The following NEXMIF variants were observed in gnomAD, a reference collection of about 807,000 sequenced individuals.
NEXMIF encodes the protein XLMR protein related to neurite extension.
NEXMIF carries 8 observed loss-of-function variants against 62.1 expected under a neutral mutation model. The observed-to-expected ratio is 0.13, with a 90% CI of 0.08 to 0.23. The LOEUF is 0.23. NEXMIF is among the 10% of genes least tolerant of loss of function. The pLI is 1.00. For missense variants in NEXMIF, 976 were observed against 1,113.3 expected (o/e 0.88, Z 1.75); for synonymous variants, 404 against 416.6 (o/e 0.97, Z 0.37).
chrX:74,874,132 C>T (rs2080617343), intron 1 of NEXMIF, among the ~76,000 whole-genome samples: 1 of 108,107 alleles, frequency 9.3e-6, no homozygotes, highest in Non-Finnish European at 1.9e-5. Context: ...TTAGGTCTAA[C>T]GTTTAAGTCT....
At chrX:74,790,838 C>A (rs2080279419) in intron 1 of NEXMIF, among the ~76,000 whole-genome samples, 1 of 110,270 alleles carries the variant, frequency 9.1e-6, no homozygotes, top group South Asian at 3.8e-4. Context: ...TATCCTGAGA[C>A]TTTGCTGAAG....
At chrX:74,796,735 T>A (rs954170876) in intron 1 of NEXMIF, among the ~76,000 whole-genome samples, 1 of 111,247 alleles carries the variant, frequency 9.0e-6, no homozygotes, top group Non-Finnish European at 1.9e-5. Flanking sequence ...TAAATAAATA[T>A]TAGCCCACAT....
chrX:74,879,650 A>T (rs916059925), intron 1 of NEXMIF, among the ~76,000 whole-genome samples: 14 of 112,119 alleles, frequency 1.2e-4, no homozygotes, highest in African/African-American at 4.5e-4. Context: ...GACATTTGGA[A>T]TGGGGGTCTG....
chrX:74,917,659 C>T (rs1351522998), intron 1 of NEXMIF, among the ~76,000 whole-genome samples: 2 of 111,475 alleles, frequency 1.8e-5, no homozygotes, highest in Admixed American at 9.5e-5. Context: ...ACACCATCTC[C>T]CTCTCTGACT....
At chrX:74,760,138 TTC>T (rs1234324535) in intron 1 of NEXMIF, among the ~76,000 whole-genome samples, 1 of 111,706 alleles carries the variant, frequency 9.0e-6, no homozygotes, top group African/African-American at 3.3e-5. Context: ...AGGTATTTTA[TTC>T]TTTTTGTGGC....
rs2080080828 is a variant in NEXMIF at position 74,734,710 on chromosome X, G to A, written c.*4695C>T. On this transcript the variant is annotated 3_prime_UTR_variant, in exon 4 of 4. Coordinates refer to ENST00000055682, the MANE Select transcript of NEXMIF (RefSeq NM_001008537.3). ...GTTCTAAACCTCTGTCTTTTACATT[G>A]TCCTTCTCCAATGCCTTACCTCTTA... 1 of 111,775 alleles carries A rather than the reference G, an allele frequency of 8.9e-6. No individual in the cohort carries two copies. The highest frequency in any genetic ancestry group is 1.9e-5 in the Non-Finnish European group (1 of 53,107). 9.2% of individuals were successfully genotyped at this position (111,775 alleles called of 1,213,427 possible). A position where few individuals can be genotyped will look rare whatever the true frequency, so the allele number is the denominator to read the frequency against.
intron 1 of NEXMIF, among the ~76,000 whole-genome samples, chrX:74,903,895 G>A (rs1291013427): frequency 2.8e-5 from 3 of 107,302 alleles, no homozygotes; most frequent in Non-Finnish European, 3.9e-5. Context: ...GTGTGTGTGT[G>A]TGTGTGTGTG....
intron 1 of NEXMIF, among the ~76,000 whole-genome samples, chrX:74,749,069 A>G (rs2080133979): frequency 9.0e-6 from 1 of 111,636 alleles, no homozygotes; most frequent in Non-Finnish European, 1.9e-5. Flanking sequence ...AGATGCTCAG[A>G]GTCTAGAGGG....
At chrX:74,844,510 A>G (rs1174031084) in intron 1 of NEXMIF, among the ~76,000 whole-genome samples, 2 of 111,427 alleles carry the variant, frequency 1.8e-5, no homozygotes, top group Non-Finnish European at 3.8e-5. Flanking sequence ...CCCAAAAGAA[A>G]AAAGAACAGT....
At chrX:74,744,619 A>C (rs1326563074) in intron 2 of NEXMIF, 142 bp from the exon 3 acceptor site, 1 of 392,552 alleles carries the variant, frequency 2.5e-6, no homozygotes, top group African/African-American at 2.5e-5. Context: ...TACAAATAAA[A>C]ACTACAACGT....
intron 1 of NEXMIF, among the ~76,000 whole-genome samples, chrX:74,758,420 CTTTTA>C (rs1174138278): frequency 1.3e-4 from 14 of 110,751 alleles, no homozygotes. Context: ...TAAAAAAAAA[CTTTTA>C]TTTTAGGTTC....
At position 74,734,467 on chromosome X, in the gene NEXMIF, G is replaced by A. The variant is rs2080080253; in HGVS notation, c.*4938C>T. The stretch of plus-strand genomic sequence containing the variant: ...GTTTTCATTCTAAGCCTTTTTTTGT[G>A]CTGTAAATAACCAGTCATCTCTCAA... On this transcript the variant is annotated 3_prime_UTR_variant, in exon 4 of 4. Transcript: ENST00000055682. The A allele has an allele frequency of 8.9e-6, 1 of 111,824 alleles. No homozygotes were observed. The highest frequency in any genetic ancestry group is 1.9e-5 in the Non-Finnish European group (1 of 53,018). The allele number at this position is 111,824 out of a possible 1,213,427, so 9.2% of individuals were successfully genotyped here. A position where few individuals can be genotyped will look rare whatever the true frequency, so the allele number is the denominator to read the frequency against.
At chrX:74,835,642 G>C (rs993750712) in intron 1 of NEXMIF, among the ~76,000 whole-genome samples, 14 of 111,267 alleles carry the variant, frequency 1.3e-4, no homozygotes, top group African/African-American at 4.3e-4. Flanking sequence ...GAGCTGAGCT[G>C]TCTGGAGGTG....
At chrX:74,919,734 C>T (rs958905145) in intron 1 of NEXMIF, among the ~76,000 whole-genome samples, 5 of 110,836 alleles carry the variant, frequency 4.5e-5, no homozygotes, top group Admixed American at 9.6e-5. Flanking sequence ...ATTAACTCAT[C>T]ATTTAGCATT....
intron 2 of NEXMIF, 67 bp downstream of exon 2, chrX:74,745,505 A>T: frequency 2.5e-6 from 2 of 806,674 alleles, no homozygotes; most frequent in Non-Finnish European, 3.7e-6. Context: ...GTGGGTACTG[A>T]AAATCCATAG....
intron 1 of NEXMIF, among the ~76,000 whole-genome samples, chrX:74,791,178 T>C (rs1232972122): frequency 1.8e-5 from 2 of 111,826 alleles, no homozygotes. Flanking sequence ...TGAGAGTTTT[T>C]AGCGTGAATG....
At chrX:74,750,848 A>AT (rs2080139816) in intron 1 of NEXMIF, among the ~76,000 whole-genome samples, 1 of 111,958 alleles carries the variant, frequency 8.9e-6, no homozygotes, top group Admixed American at 9.5e-5. Context: ...TCAAGAAGAG[A>AT]TTACTACAGC....
intron 1 of NEXMIF, among the ~76,000 whole-genome samples, chrX:74,827,064 TA>T (rs2080420738): frequency 8.9e-6 from 1 of 112,404 alleles, no homozygotes; most frequent in East Asian, 2.8e-4. Flanking sequence ...TAATTATAAG[TA>T]ATCACTTTTA....
chrX:74,795,236 G>A (rs1231186555), intron 1 of NEXMIF, among the ~76,000 whole-genome samples: 1 of 112,269 alleles, frequency 8.9e-6, no homozygotes, highest in African/African-American at 3.2e-5. Flanking sequence ...GCTTGTGGAT[G>A]TCTCTAGCAA....
Sources: gnomAD v4.1 joint callset for allele counts (sites outside exome capture counted in the v4.1 genomes callset) on GRCh38, gnomAD v4.1.1 for gene constraint, MANE v1.5 for transcripts, NCBI Gene and HGNC (gene_info 2026-07-23, HGNC 2026-07-21) for gene names.